ALS2: variants seen among roughly 807,000 people sequenced by gnomAD.
ALS2 encodes the protein alsin Rho guanine nucleotide exchange factor ALS2, also known as alsin.
Under a neutral mutation model 203.4 loss-of-function variants are expected in ALS2, and 117 were observed. The ratio of observed to expected loss-of-function variants is 0.58; its 90% CI spans 0.50 to 0.67. ALS2 has a LOEUF of 0.67. ALS2 is among the 30% of genes least tolerant of loss of function. The probability of loss-of-function intolerance (pLI) is 0.00; values close to 1 mark genes in which losing one functional copy is unlikely to be tolerated. For synonymous variants in ALS2, 718 were observed against 725.9 expected, an observed-to-expected ratio of 0.99 and a Z score of 0.17; for missense variants, 1,715 against 1,989.4, an observed-to-expected ratio of 0.86 and a Z score of 2.62.
At chr2:201,760,687 G>C in intron 4 of ALS2, 194 bp downstream of exon 4, 3 of 1,402,484 alleles carry the variant, frequency 2.1e-6, no homozygotes, top group Non-Finnish European at 2.8e-6. Context: ...TAAAGGGCCA[G>C]AACAAACATA....
intron 25 of ALS2, among the ~76,000 whole-genome samples, chr2:201,714,878 G>A (rs72924750): frequency 0.015 from 2,311 of 152,304 alleles, 29 homozygotes; most frequent in Non-Finnish European, 0.027. Flanking sequence ...TTATGGGCTT[G>A]TTTCCCAGAG....
At chr2:201,720,685 G>A (rs1559043957) in intron 23 of ALS2, among the ~76,000 whole-genome samples, 1 of 151,640 alleles carries the variant, frequency 6.6e-6, no homozygotes, top group East Asian at 1.9e-4. Context: ...CTGCACTCCA[G>A]CCTGGGTGAC....
At chr2:201,735,324 T>C (rs1022803194) in intron 12 of ALS2, among the ~76,000 whole-genome samples, 3 of 152,192 alleles carry the variant, frequency 2.0e-5, no homozygotes, top group Non-Finnish European at 2.9e-5. Flanking sequence ...GCCCCCTAAA[T>C]TGTACACTTA....
At chr2:201,704,325 G>T in intron 32 of ALS2, 107 bp from the exon 33 acceptor site, 1 of 1,477,342 alleles carries the variant, frequency 6.8e-7, no homozygotes, top group Non-Finnish European at 9.4e-7. Context: ...AAAGGGTAAT[G>T]TCACAGTGGA....
At chr2:201,715,910 T>C (rs1690361123) in intron 24 of ALS2, 71 bp from the exon 25 acceptor site, 1 of 1,564,104 alleles carries the variant, frequency 6.4e-7, no homozygotes, top group Non-Finnish European at 8.8e-7. Flanking sequence ...ACAGAAACTT[T>C]CTAACATACA....
At chr2:201,769,009 A>AAC (rs1399671487) in intron 1 of ALS2, 64 bp from the exon 2 acceptor site, 1 of 798,752 alleles carries the variant, frequency 1.3e-6, no homozygotes, top group Middle Eastern at 2.6e-4. Context: ...CATTAAAAAA[A>AAC]AAAAAAGCAG....
chr2:201,711,136 G>C (rs373482455), intron 25 of ALS2, 28 bp from the exon 26 acceptor site: 2 of 1,362,894 alleles, frequency 1.5e-6, no homozygotes, highest in African/African-American at 2.9e-5. Flanking sequence ...AAAGTCTGTT[G>C]TATTTCACAT....
intron 4 of ALS2, 23 bp from the exon 5 acceptor site, chr2:201,757,782 A>T: frequency 6.5e-7 from 1 of 1,535,980 alleles, no homozygotes; most frequent in Non-Finnish European, 8.9e-7. Context: ...CACATAAAAA[A>T]TTATATAAAA....
rs1056513485 is a variant in ALS2 at position 201,701,582 on chromosome 2, A to T, written c.*269T>A. Reference sequence around the variant, plus strand: ...GGGATATCCTCTTCTTTTTTCAAATAGTAGATAAATGGTATTTTTGGAACT... The same window carrying T: ...GGGATATCCTCTTCTTTTTTCAAATTGTAGATAAATGGTATTTTTGGAACT... On this transcript the variant is annotated 3_prime_UTR_variant, in exon 34 of 34. Transcript: ENST00000264276. 2.2e-5 allele frequency: 8 copies of T among 365,666 alleles called. No individual in the cohort carries two copies. Among genetic ancestry groups the T allele is most frequent in the African/African-American group, 4.2e-5 (2 of 48,106 alleles). The allele number at this position is 365,666 out of a possible 1,614,324, so 22.7% of individuals were successfully genotyped here.
At chr2:201,702,774 G>A (rs2105961012) in intron 33 of ALS2, among the ~76,000 whole-genome samples, 1 of 152,180 alleles carries the variant, frequency 6.6e-6, no homozygotes, top group East Asian at 1.9e-4. Flanking sequence ...GTCATCTGTG[G>A]CCAATATTTT....
At chr2:201,739,301 G>A (rs1013815829) in intron 11 of ALS2, among the ~76,000 whole-genome samples, 16 of 147,476 alleles carry the variant, frequency 1.1e-4, no homozygotes, top group Non-Finnish European at 1.5e-4. Flanking sequence ...CTAAAGCTAA[G>A]CAGAAAATGC....
At chr2:201,774,254 G>C (rs1434946743) in intron 1 of ALS2, among the ~76,000 whole-genome samples, 1 of 152,182 alleles carries the variant, frequency 6.6e-6, no homozygotes, top group Non-Finnish European at 1.5e-5. Flanking sequence ...CAAAGTCCCA[G>C]ACAAAGTGAA....
At position 201,725,416 on chromosome 2, in the gene ALS2, T is replaced by C. The variant is rs1691103086; in HGVS notation, c.3287A>G (p.Lys1096Arg). The part of the protein sequence containing the change: ...EYRIPNKAMN[K>R]EDHYVGHWKE... ...CCAATGGCCCACATAATGGTCTTCT[T>C]TGTTCATTGCCTTGTTTGGGATTCT... is the stretch of plus-strand genomic sequence containing the variant. Residue 1096 changes from lysine to arginine, a missense_variant, in exon 20 of 34, where the codon AAA becomes AGA. Transcript: ENST00000264276. 6.2e-7 allele frequency: 1 copy of C among 1,614,138 alleles called. No individual in the cohort carries two copies. The highest frequency in any genetic ancestry group is 8.5e-7 in the Non-Finnish European group (1 of 1,180,012).
intron 12 of ALS2, among the ~76,000 whole-genome samples, chr2:201,734,082 T>C (rs1691733329): frequency 6.6e-6 from 1 of 152,220 alleles, no homozygotes; most frequent in South Asian, 2.1e-4. Context: ...ATTCAGTTTT[T>C]AATAAATTCA....
At chr2:201,727,870 C>T in intron 15 of ALS2, 95 bp from the exon 16 acceptor site, 1 of 1,154,662 alleles carries the variant, frequency 8.7e-7, no homozygotes, top group South Asian at 1.3e-5. Flanking sequence ...CCACATGGGC[C>T]TTGCAGTCTC....
rs1689758714 is a variant in ALS2, at chr2:201,707,018, C to T, written c.4408G>A (p.Val1470Ile). The T allele has an allele frequency of 6.2e-7, 1 of 1,612,938 alleles. No individual in the cohort carries two copies. The highest frequency in any genetic ancestry group is 8.5e-7 in the Non-Finnish European group (1 of 1,179,360). The part of the protein sequence containing the change: ...SRSESPEPGY[V>I]VTSSGLLLPV... ...AGCAATAATCCAGAACTCGTTACTACATAACTACAAAATAATGGAGTGGGA... is the reference window on the plus strand; with the variant it reads ...AGCAATAATCCAGAACTCGTTACTATATAACTACAAAATAATGGAGTGGGA... The change falls in exon 29 of 34, where the codon GTA (valine) becomes ATA (isoleucine). Residue 1470 changes from valine (V) to isoleucine (I), a missense_variant. Physicochemically the swap from Val to Ile is conservative, Grantham distance 29. Around this residue, in one of 3 missense-constraint regions of ALS2, gnomAD observed 1,227 missense variants for 1,413.5 expected, o/e 0.87. Coordinates refer to ENST00000264276, the MANE Select transcript of ALS2 (RefSeq NM_020919.4).
At chr2:201,725,109 T>C (rs570680693) in intron 20 of ALS2, among the ~76,000 whole-genome samples, 1 of 139,666 alleles carries the variant, frequency 7.2e-6, no homozygotes, top group African/African-American at 2.7e-5. Flanking sequence ...CGAGACTTCA[T>C]CTCAAAAAAA....
intron 3 of ALS2, chr2:201,765,645 A>ATACTT (rs3057123): frequency 0.13 from 21,757 of 167,032 alleles, 1,615 homozygotes; most frequent in Admixed American, 0.15. Context: ...ACCTTAATAA[A>ATACTT]TACTTACAGA....
intron 1 of ALS2, among the ~76,000 whole-genome samples, chr2:201,771,967 T>G (rs1182087396): frequency 6.6e-6 from 1 of 152,224 alleles, no homozygotes. Flanking sequence ...TTGCATGGCC[T>G]CTCCACAGAT....
Sources: gnomAD v4.1 joint callset for allele counts (sites outside exome capture counted in the v4.1 genomes callset) on GRCh38, gnomAD v4.1.1 for gene constraint, gnomAD v4.1.1 regional missense constraint, MANE v1.5 for transcripts, NCBI Gene and HGNC (gene_info 2026-07-23, HGNC 2026-07-21) for gene names.